Variants in VPS54 observed in about 807,000 individuals in gnomAD.
VPS54 encodes the protein vacuolar protein sorting-associated protein 54.
VPS54 carries 45 observed loss-of-function variants against 121.5 expected under a neutral mutation model. The ratio of observed to expected loss-of-function variants is 0.37; its 90% CI spans 0.29 to 0.47. VPS54 has a LOEUF of 0.47. Ranked by LOEUF, VPS54 falls within the 20% of genes least tolerant of loss-of-function variation. The probability of loss-of-function intolerance (pLI) is 0.99; values close to 1 mark genes in which losing one functional copy is unlikely to be tolerated. For missense variants in VPS54, 1,090 were observed against 1,131.4 expected (o/e 0.96, Z 0.52); for synonymous variants, 371 against 385.8 (o/e 0.96, Z 0.45).
intron 20 of VPS54, among the ~76,000 whole-genome samples, chr2:63,900,082 T>C (rs1672610395): frequency 6.6e-6 from 1 of 152,158 alleles, no homozygotes; most frequent in Admixed American, 6.5e-5. Flanking sequence ...AGCTGGGGCA[T>C]GGTGGCAGGC....
At chr2:63,948,963 T>C (rs1176670832) in intron 8 of VPS54, 74 bp downstream of exon 8, 10 of 1,554,028 alleles carry the variant, frequency 6.4e-6, no homozygotes, top group Non-Finnish European at 6.9e-6. Flanking sequence ...ATTCCTATAA[T>C]CTGAGAAAAA....
chr2:63,996,009 TTA>T (rs1677568020), intron 1 of VPS54, among the ~76,000 whole-genome samples: 1 of 152,204 alleles, frequency 6.6e-6, no homozygotes, highest in Non-Finnish European at 1.5e-5. Flanking sequence ...AATTTCGGAA[TTA>T]TGTTTCCCTG....
chr2:63,902,417 C>G (rs1672718502), intron 20 of VPS54, among the ~76,000 whole-genome samples: 2 of 152,244 alleles, frequency 1.3e-5, no homozygotes, highest in South Asian at 4.1e-4. Flanking sequence ...AAACAGACAC[C>G]TAGCTTGGTT....
At chr2:63,905,421 C>G (rs1216781583) in intron 20 of VPS54, among the ~76,000 whole-genome samples, 1 of 151,778 alleles carries the variant, frequency 6.6e-6, no homozygotes, top group Non-Finnish European at 1.5e-5. Flanking sequence ...TTAATGCTTC[C>G]AAGTTAATAA....
rs1364784879 is a variant in VPS54 at position 63,942,492 on chromosome 2, C to T, written c.1371G>A (p.Lys457=). ...WFDLLKDIFS[K]FTIFLQRVKA... is the part of the protein sequence containing the mutation. ...TCACTCTCTGTAGGAAAATTGTAAA[C>T]TTAGAGAAAATATCCTTGAGCAGAT... is the stretch of plus-strand genomic sequence containing the variant. The change falls in exon 11 of 23, where the codon AAG becomes AAA. Residue 457 remains lysine, a synonymous_variant. Coordinates refer to ENST00000272322, the MANE Select transcript of VPS54 (RefSeq NM_016516.3). The T allele has an allele frequency of 6.3e-7, 1 of 1,595,814 alleles. No individual in the cohort carries two copies. The highest frequency in any genetic ancestry group is 1.3e-5 in the African/African-American group (1 of 74,438).
Position 63,947,414 on chromosome 2 carries a change from A to G in VPS54, c.1214T>C (p.Met405Thr). Residue 405 changes from methionine (M) to threonine (T), a missense_variant, in exon 9 of 23, where the codon ATG becomes ACG. Around this residue, in one of 2 missense-constraint regions of VPS54, gnomAD observed 801 missense variants for 757.0 expected, o/e 1.06. Coordinates refer to ENST00000272322, the MANE Select transcript of VPS54 (RefSeq NM_016516.3). ...AATGATATTCTTTGCTGTAATAACCATTTTTTCACCATAGATTTCTAAAAA... is the reference window on the plus strand; with the variant it reads ...AATGATATTCTTTGCTGTAATAACCGTTTTTTCACCATAGATTTCTAAAAA... ...LNFLEIYGEK[M>T]VITAKNIIKQ... 1 of 1,559,566 alleles carries G rather than the reference A, an allele frequency of 6.4e-7. No individual in the cohort carries two copies. The highest frequency in any genetic ancestry group is 1.1e-5 in the South Asian group (1 of 88,662).
chr2:63,940,045 G>A (rs987530961), intron 11 of VPS54, among the ~76,000 whole-genome samples: 1 of 152,050 alleles, frequency 6.6e-6, no homozygotes, highest in Admixed American at 6.6e-5. Context: ...TGTGAGCCAT[G>A]GTGCCTGGCC....
intron 16 of VPS54, 41 bp downstream of exon 16, chr2:63,916,859 A>C: frequency 6.3e-7 from 1 of 1,585,288 alleles, no homozygotes; most frequent in East Asian, 2.2e-5. Flanking sequence ...CTTGTGTTTT[A>C]AATAGTTGAC....
chr2:63,966,133 T>C (rs937282953), intron 5 of VPS54, among the ~76,000 whole-genome samples, 167 bp from the exon 6 acceptor site: 3 of 152,198 alleles, frequency 2.0e-5, no homozygotes, highest in Non-Finnish European at 4.4e-5. Context: ...AAGAAAAATG[T>C]GTAAATTTCT....
intron 11 of VPS54, among the ~76,000 whole-genome samples, chr2:63,935,760 T>C (rs1674425426): frequency 6.6e-6 from 1 of 152,138 alleles, no homozygotes; most frequent in South Asian, 2.1e-4. Flanking sequence ...GTGCACAGCA[T>C]TTTCCTGATC....
intron 14 of VPS54, 84 bp from the exon 15 acceptor site, chr2:63,920,079 T>G: frequency 1.7e-6 from 2 of 1,168,062 alleles, no homozygotes; most frequent in Non-Finnish European, 2.4e-6. Flanking sequence ...GAAGAAGAGC[T>G]GAGTGAGAAC....
At chr2:64,018,102 C>T (rs1309281262) in intron 1 of VPS54, among the ~76,000 whole-genome samples, 1 of 152,232 alleles carries the variant, frequency 6.6e-6, no homozygotes, top group Non-Finnish European at 1.5e-5. Flanking sequence ...TAATTTATCA[C>T]GGTATTACTT....
At chr2:63,933,126 G>C (rs139750965) in intron 12 of VPS54, among the ~76,000 whole-genome samples, 1 of 152,152 alleles carries the variant, frequency 6.6e-6, no homozygotes, top group East Asian at 1.9e-4. Flanking sequence ...AAGGTTATAT[G>C]AGAGTTTTTT....
At chr2:63,997,472 G>T (rs1231471341) in intron 1 of VPS54, among the ~76,000 whole-genome samples, 4 of 152,134 alleles carry the variant, frequency 2.6e-5, no homozygotes, top group Admixed American at 6.6e-5. Context: ...TCTAGATTTT[G>T]CAATTTATTG....
At chr2:64,014,829 A>G (rs1261977675) in intron 1 of VPS54, among the ~76,000 whole-genome samples, 2 of 152,242 alleles carry the variant, frequency 1.3e-5, no homozygotes, top group East Asian at 1.9e-4. Context: ...CTCAGAAAGA[A>G]TAACTTGAGT....
In VPS54 at chr2:63,935,038, T is replaced by G. The variant is rs1674389179; in HGVS notation, c.1399-1025A>C. Among the ~76,000 whole-genome samples, 3 of 152,132 alleles carry G rather than the reference T, an allele frequency of 2.0e-5. No homozygotes were observed. In the South Asian group the frequency reaches 6.2e-4, roughly 31 times the overall value. On this transcript the variant is annotated intron_variant, in intron 11 of 22. Transcript: ENST00000272322. ...CGGGTCTCCAAAATCAACAAAAGGA[T>G]CTAAGCTAGTCCAATTAGTACATGG...
chr2:63,900,522 A>G (rs1672636044), intron 20 of VPS54, among the ~76,000 whole-genome samples: 1 of 152,174 alleles, frequency 6.6e-6, no homozygotes, highest in African/African-American at 2.4e-5. Context: ...TATTTATAAG[A>G]CAAATTTGGG....
intron 11 of VPS54, among the ~76,000 whole-genome samples, chr2:63,937,669 G>C (rs952872853): frequency 6.6e-6 from 1 of 152,004 alleles, no homozygotes; most frequent in Non-Finnish European, 1.5e-5. Flanking sequence ...CTAAAAGGGG[G>C]CCTCAGAGAG....
chr2:63,953,525 AT>A (rs1305688503), intron 7 of VPS54, among the ~76,000 whole-genome samples: 2 of 151,996 alleles, frequency 1.3e-5, no homozygotes, highest in Non-Finnish European at 2.9e-5. Context: ...TATATTCAAG[AT>A]TTTTTTTCAC....
Sources: allele counts gnomAD v4.1 joint callset (sites outside exome capture counted in the v4.1 genomes callset), GRCh38; gene constraint gnomAD v4.1.1; regional missense constraint gnomAD v4.1.1; transcripts MANE v1.5; gene names NCBI Gene and HGNC (gene_info 2026-07-23, HGNC 2026-07-21).